The following ME2 variants were observed in gnomAD, a reference collection of about 807,000 sequenced individuals.
The protein encoded by ME2 is malic enzyme 2.
Under a neutral mutation model 73.7 loss-of-function variants are expected in ME2, and 60 were observed. That is an observed-to-expected ratio of 0.81 (90% CI 0.66 to 1.01). The LOEUF is 1.01. ME2 is among the 50% of genes least tolerant of loss of function. ME2 has a pLI of 0.00. For missense variants in ME2, 594 were observed against 705.5 expected (o/e 0.84, Z 1.79); for synonymous variants, 199 against 236.9 (o/e 0.84, Z 1.47).
chr18:50,904,325 C>T (rs1916962175), intron 2 of ME2, among the ~76,000 whole-genome samples: 1 of 150,330 alleles, frequency 6.7e-6, no homozygotes, highest in Non-Finnish European at 1.5e-5. Context: ...GTCAGCCAGG[C>T]TGGAGTGCAG....
At chr18:50,905,758 CAG>C (rs1413397824) in intron 2 of ME2, among the ~76,000 whole-genome samples, 1 of 152,070 alleles carries the variant, frequency 6.6e-6, no homozygotes, top group Non-Finnish European at 1.5e-5. Flanking sequence ...CTTTGGAGAC[CAG>C]AGTTTCTTCA....
rs919448923 is a variant in ME2, at chr18:50,940,130, A to G, written c.1489-158A>G. The G allele has an allele frequency of 4.9e-6, 3 of 610,592 alleles. No individual in the cohort carries two copies. The Middle Eastern group carries it at 8.2e-4, about 166-fold the overall frequency. 37.8% of individuals were successfully genotyped at this position (610,592 alleles called of 1,614,324 possible). A position where few individuals can be genotyped will look rare whatever the true frequency, so the allele number is the denominator to read the frequency against. On this transcript the variant is annotated intron_variant, in intron 14 of 15. Transcript: ENST00000321341. ...GGTTATTTATTGTTTAGTGATGAAC[A>G]GTTTTAATTTCTGCAGTGGTTTAAG...
At chr18:50,906,026 T>G (rs1917011332) in intron 2 of ME2, among the ~76,000 whole-genome samples, 3 of 152,178 alleles carry the variant, frequency 2.0e-5, no homozygotes, top group African/African-American at 7.2e-5. Context: ...TCCCAGAATT[T>G]CCATTTAATT....
intron 2 of ME2, among the ~76,000 whole-genome samples, chr18:50,902,581 G>C (rs1037547765): frequency 1.3e-5 from 2 of 152,110 alleles, no homozygotes; most frequent in Non-Finnish European, 2.9e-5. Flanking sequence ...ATTTTTGGTA[G>C]AGACGGGGTT....
chr18:50,938,680 TAGAA>T (rs1190878564), intron 13 of ME2, among the ~76,000 whole-genome samples: 2 of 152,052 alleles, frequency 1.3e-5, no homozygotes, highest in East Asian at 1.9e-4. Context: ...GGAATCAACT[TAGAA>T]AGAAGCAAAG....
Position 50,940,324 on chromosome 18 carries a change from C to T in ME2, c.1525C>T (p.Gln509Ter). 3 of 1,611,296 alleles carry T rather than the reference C, an allele frequency of 1.9e-6. No homozygotes were observed. The highest frequency in any genetic ancestry group is 2.5e-6 in the Non-Finnish European group (3 of 1,179,430). Residue 509 changes from glutamine to a stop codon, truncating the protein, a stop_gained, in exon 15 of 16, where the codon CAA becomes TAA. Coordinates refer to ENST00000321341, the MANE Select transcript of ME2 (RefSeq NM_002396.5). LOFTEE classifies it high-confidence loss of function. The stretch of plus-strand genomic sequence containing the variant: ...CCAATTGACAGATGAAGAGCTAGCC[C>T]AAGGGAGACTTTACCCACCGCTTGC... Reference protein sequence around the residue: ...TSQLTDEELAQGRLYPPLANI... With the variant: ...TSQLTDEELA
At chr18:50,905,088 G>A (rs1916988257) in intron 2 of ME2, among the ~76,000 whole-genome samples, 1 of 152,088 alleles carries the variant, frequency 6.6e-6, no homozygotes, top group Non-Finnish European at 1.5e-5. Flanking sequence ...CCGGGTTCAA[G>A]CAATTCTCCT....
chr18:50,879,391 C>CA (rs1916256325), intron 1 of ME2, 83 bp downstream of exon 1: 1 of 151,910 alleles, frequency 6.6e-6, no homozygotes, highest in South Asian at 2.1e-4. Flanking sequence ...CCCGAGAGCC[C>CA]AGCGCTGCCG....
In ME2 at chr18:50,925,071, A is replaced by G. The variant is rs375375511; in HGVS notation, c.1172-685A>G. 3.9e-5 allele frequency among the ~76,000 whole-genome samples: 6 copies of G among 152,204 alleles called. No homozygotes were observed. In the East Asian group the frequency reaches 7.7e-4, roughly 20 times the overall value. On this transcript the variant is annotated intron_variant, in intron 11 of 15. Coordinates refer to ENST00000321341, the MANE Select transcript of ME2 (RefSeq NM_002396.5). ...AACTACCTCATATAAATGGAATGAC[A>G]TGGTATTTTTCTCTTTGTGACTGGC...
intron 1 of ME2, among the ~76,000 whole-genome samples, chr18:50,890,224 C>T (rs1916572284): frequency 6.6e-6 from 1 of 151,996 alleles, no homozygotes; most frequent in South Asian, 2.1e-4. Flanking sequence ...TTTATTAATA[C>T]TACACAAAAA....
intron 15 of ME2, among the ~76,000 whole-genome samples, chr18:50,945,779 A>G (rs374779021): frequency 2.0e-5 from 3 of 152,194 alleles, no homozygotes; most frequent in East Asian, 3.9e-4. Context: ...AAGTTAAAAT[A>G]AAACCTGCCG....
chr18:50,917,317 A>G, intron 5 of ME2, 30 bp from the exon 6 acceptor site: 1 of 1,576,870 alleles, frequency 6.3e-7, no homozygotes, highest in Non-Finnish European at 8.6e-7. Flanking sequence ...ATTTTTGACA[A>G]CTTTTAATTT....
intron 2 of ME2, among the ~76,000 whole-genome samples, chr18:50,899,809 T>G (rs1000264885): frequency 6.6e-6 from 1 of 152,212 alleles, no homozygotes; most frequent in Non-Finnish European, 1.5e-5. Flanking sequence ...CATTCCTCCA[T>G]TGAGGACAAT....
intron 7 of ME2, among the ~76,000 whole-genome samples, chr18:50,919,331 C>T (rs892982919): frequency 6.6e-6 from 1 of 152,174 alleles, no homozygotes; most frequent in African/African-American, 2.4e-5. Flanking sequence ...AATGATCTAA[C>T]CCTGGCCTAC....
intron 1 of ME2, among the ~76,000 whole-genome samples, chr18:50,888,140 G>A (rs1171633849): frequency 6.6e-6 from 1 of 152,070 alleles, no homozygotes; most frequent in Non-Finnish European, 1.5e-5. Context: ...CCAGAAGTTG[G>A]AGACCACCCT....
intron 12 of ME2, among the ~76,000 whole-genome samples, chr18:50,931,352 A>G (rs1449741981): frequency 6.6e-6 from 1 of 152,224 alleles, no homozygotes; most frequent in Non-Finnish European, 1.5e-5. Context: ...ACCTGTGGCT[A>G]TGGAGTTACA....
Position 50,951,912 on chromosome 18 carries a change from G to A in ME2, c.*4728G>A, listed in dbSNP as rs1051338070. The A allele has an allele frequency of 7.0e-6, 1 of 142,500 alleles. No individual in the cohort carries two copies. Among genetic ancestry groups the A allele is most frequent in the Admixed American group, 7.2e-5 (1 of 13,942 alleles). 8.8% of individuals were successfully genotyped at this position (142,500 alleles called of 1,614,324 possible). On this transcript the variant is annotated 3_prime_UTR_variant, in exon 16 of 16. Transcript: ENST00000321341. ...AAAAAAAAAAAAAAAAATCTCCAGGGTTCTGTTGAATTCACCAAAATGGGG... is the reference window on the plus strand; with the variant it reads ...AAAAAAAAAAAAAAAAATCTCCAGGATTCTGTTGAATTCACCAAAATGGGG...
chr18:50,908,824 A>T (rs376887137), intron 3 of ME2, among the ~76,000 whole-genome samples: 52 of 152,174 alleles, frequency 3.4e-4, no homozygotes, highest in Non-Finnish European at 6.2e-4. Flanking sequence ...TATTTGTAGT[A>T]GAGATGGAGT....
At chr18:50,940,427 C>G in intron 15 of ME2, 41 bp downstream of exon 15, 1 of 1,249,106 alleles carries the variant, frequency 8.0e-7, no homozygotes, top group Non-Finnish European at 1.1e-6. Context: ...ATTTTAATGA[C>G]ATTTTCTTAT....
Sources: allele counts gnomAD v4.1 joint callset (sites outside exome capture counted in the v4.1 genomes callset), GRCh38; gene constraint gnomAD v4.1.1; transcripts MANE v1.5; gene names NCBI Gene and HGNC (gene_info 2026-07-23, HGNC 2026-07-21).